S100Z: variants seen among roughly 807,000 people sequenced by gnomAD.
S100Z encodes the protein S100 calcium binding protein Z.
S100Z carries 11 observed loss-of-function variants against 8.5 expected under a neutral mutation model. The ratio of observed to expected loss-of-function variants is 1.30; its 90% CI spans 0.82 to 2.15. The LOEUF is 2.15. Among genes scored for constraint, S100Z ranks in the 30% most tolerant of loss-of-function variants. The pLI, the probability that S100Z is intolerant of heterozygous loss-of-function variation, is 0.00. For synonymous variants in S100Z, 34 were observed against 43.8 expected (o/e 0.78, Z 0.89); for missense variants, 126 against 117.9 (o/e 1.07, Z -0.32).
rs185486210 is a variant in S100Z, at chr5:76,887,116, G to A, written c.*2+9282G>A. ...TTTTCTTTTCTTTTTTTTTTTTTTC[G>A]AGACAGAGTCTTGCTCTGTCACCAG... On this transcript the variant is annotated intron_variant, in intron 4 of 4. Transcript: ENST00000317593. 3.1e-3 allele frequency among the ~76,000 whole-genome samples: 437 copies of A among 139,448 alleles called. 3 individuals carry two copies. Among genetic ancestry groups the A allele is most frequent in the African/African-American group, 0.011 (398 of 37,416 alleles). 91.5% of individuals were successfully genotyped at this position (139,448 alleles called of 152,430 possible).
the S100Z span, among the ~76,000 whole-genome samples, chr5:76,942,030 A>C: frequency 6.6e-6 from 1 of 151,886 alleles, no homozygotes; most frequent in Admixed American, 6.6e-5. Flanking sequence ...TTACTTTTTA[A>C]CTCTAAAAGT....
Position 76,917,123 on chromosome 5 carries a change from C to T in S100Z, c.*3-3594C>T, listed in dbSNP as rs1401531122. Among the ~76,000 whole-genome samples the T allele has an allele frequency of 1.7e-4, 14 of 81,308 alleles. 1 individual carries two copies. Among genetic ancestry groups the T allele is most frequent in the African/African-American group, 6.2e-4 (13 of 20,920 alleles). The allele number at this position is 81,308 out of a possible 152,430, so 53.3% of individuals were successfully genotyped here. A position where few individuals can be genotyped will look rare whatever the true frequency, so the allele number is the denominator to read the frequency against. ...CCTAGGTGACAGAGTGAGACTGTCTCAAAAAAAAAAAAAAAAAAAAAGGAT... is the reference window on the plus strand; with the variant it reads ...CCTAGGTGACAGAGTGAGACTGTCTTAAAAAAAAAAAAAAAAAAAAAGGAT... On this transcript the variant is annotated intron_variant, in intron 4 of 4. Coordinates refer to ENST00000317593, the MANE Select transcript of S100Z (RefSeq NM_130772.4).
the S100Z span, among the ~76,000 whole-genome samples, chr5:76,944,007 G>GTT: frequency 6.7e-6 from 1 of 150,280 alleles, no homozygotes; most frequent in African/African-American, 2.4e-5. Flanking sequence ...TCATGACTGA[G>GTT]TTTTTTTTTT....
the S100Z span, among the ~76,000 whole-genome samples, chr5:76,939,383 ACCTCGTGATCCGCCTG>A: frequency 4.6e-5 from 7 of 151,094 alleles, no homozygotes; most frequent in African/African-American, 1.7e-4. Context: ...CAATCTCCTG[ACCTCGTGATCCGCCTG>A]CCTCGGCCTC....
At chr5:76,947,905 A>C in the S100Z span, among the ~76,000 whole-genome samples, 4 of 152,184 alleles carry the variant, frequency 2.6e-5, no homozygotes, top group Non-Finnish European at 4.4e-5. Context: ...TGAAACTATA[A>C]AACTCCTAGA....
chr5:76,916,261 A>G (rs901230638), intron 4 of S100Z, among the ~76,000 whole-genome samples: 2 of 152,118 alleles, frequency 1.3e-5, no homozygotes, highest in African/African-American at 4.8e-5. Context: ...TTATATATGT[A>G]CCAAATAACA....
intron 4 of S100Z, among the ~76,000 whole-genome samples, chr5:76,888,221 C>T (rs1272092244): frequency 6.7e-6 from 1 of 149,578 alleles, no homozygotes; most frequent in Non-Finnish European, 1.5e-5. Context: ...TATGCCACTG[C>T]CCTCCAGCCT....
chr5:76,905,187 A>T lies in S100Z; in HGVS notation c.*3-15530A>T, dbSNP rs566139900. On this transcript the variant is annotated intron_variant, in intron 4 of 4. Transcript: ENST00000317593. ...CCAAGGTTGACAAGCTTAATTCAAG[A>T]TCACAAAGATTTTGTTCTATTATTA... 2.6e-5 allele frequency among the ~76,000 whole-genome samples: 4 copies of T among 151,804 alleles called. No individual in the cohort carries two copies. The South Asian group carries it at 8.4e-4, about 32-fold the overall frequency.
intron 4 of S100Z, among the ~76,000 whole-genome samples, chr5:76,904,083 C>T (rs1224582924): frequency 1.3e-5 from 2 of 152,002 alleles, no homozygotes; most frequent in African/African-American, 4.8e-5. Context: ...ATCTTTGAGC[C>T]ATTTTTTAAA....
intron 4 of S100Z, among the ~76,000 whole-genome samples, chr5:76,915,605 C>T (rs1561251910): frequency 6.6e-6 from 1 of 151,256 alleles, no homozygotes; most frequent in Non-Finnish European, 1.5e-5. Flanking sequence ...GAGACTCCGT[C>T]TCAAAGAAAA....
intron 4 of S100Z, among the ~76,000 whole-genome samples, chr5:76,908,431 T>C (rs1744533399): frequency 6.6e-6 from 1 of 152,232 alleles, no homozygotes; most frequent in African/African-American, 2.4e-5. Context: ...TTCTCTTCTC[T>C]GAGGCTAGTC....
At chr5:76,887,301 T>C (rs1271555087) in intron 4 of S100Z, among the ~76,000 whole-genome samples, 2 of 150,372 alleles carry the variant, frequency 1.3e-5, no homozygotes, top group African/African-American at 4.9e-5. Context: ...TTCACCATGT[T>C]GGGGCCAGAA....
Position 76,875,633 on chromosome 5 carries a change from A to G in S100Z, c.141+133A>G, listed in dbSNP as rs1743163778. The G allele has an allele frequency of 5.2e-6, 4 of 773,876 alleles. No individual in the cohort carries two copies. In the South Asian group the frequency reaches 6.7e-5, roughly 13 times the overall value. 47.9% of individuals were successfully genotyped at this position (773,876 alleles called of 1,614,324 possible). Reference sequence around the variant, plus strand: ...CCAAATTTGTACAGAGATTCAAAATATAGGGGAAGCAAACACTGGAGACGT... The same window carrying G: ...CCAAATTTGTACAGAGATTCAAAATGTAGGGGAAGCAAACACTGGAGACGT... On this transcript the variant is annotated intron_variant, in intron 3 of 4. Transcript: ENST00000317593.
At chr5:76,865,914 C>T (rs931709207) in intron 1 of S100Z, among the ~76,000 whole-genome samples, 4 of 150,758 alleles carry the variant, frequency 2.7e-5, no homozygotes, top group African/African-American at 9.7e-5. Flanking sequence ...ACTCAGGAGG[C>T]TGAGGCAGGA....
chr5:76,855,218 A>G (rs1750849701), intron 1 of S100Z, among the ~76,000 whole-genome samples: 1 of 152,228 alleles, frequency 6.6e-6, no homozygotes, highest in Admixed American at 6.5e-5. Context: ...GCCCCCACAC[A>G]GAGTCCCCGT....
At chr5:76,939,674 G>A in the S100Z span, among the ~76,000 whole-genome samples, 8 of 151,080 alleles carry the variant, frequency 5.3e-5, no homozygotes, top group East Asian at 6.0e-4. Flanking sequence ...CACCACACCC[G>A]GCTAATTTTT....
At chr5:76,922,701 T>G (rs1745070001), downstream of S100Z, among the ~76,000 whole-genome samples, 1 of 152,052 alleles carries the variant, frequency 6.6e-6, no homozygotes, top group African/African-American at 2.4e-5. Flanking sequence ...TTTTTTGTAT[T>G]TTTAGTAGAG....
chr5:76,894,090 A>G (rs1743954395), intron 4 of S100Z, among the ~76,000 whole-genome samples: 1 of 152,148 alleles, frequency 6.6e-6, no homozygotes, highest in African/African-American at 2.4e-5. Context: ...ATCAACACAG[A>G]CTTTAAGACT....
the S100Z span, among the ~76,000 whole-genome samples, chr5:76,932,502 C>T: frequency 3.9e-5 from 6 of 152,146 alleles, no homozygotes; most frequent in South Asian, 2.1e-4. Context: ...TACAGGCACC[C>T]GTTACCACGC....
Sources: gnomAD v4.1 joint callset for allele counts (sites outside exome capture counted in the v4.1 genomes callset) on GRCh38, gnomAD v4.1.1 for gene constraint, MANE v1.5 for transcripts, NCBI Gene and HGNC (gene_info 2026-07-23, HGNC 2026-07-21) for gene names.